Variants in FGF14 observed in about 807,000 individuals in gnomAD.
FGF14 encodes fibroblast growth factor 14, also known as fibroblast growth factor homologous factor 4.
Under a neutral mutation model 25.5 loss-of-function variants are expected in FGF14, and 5 were observed. The observed-to-expected ratio is 0.20, with a 90% confidence interval of 0.10 to 0.41. FGF14 has a LOEUF of 0.41. Among genes scored for constraint, FGF14 ranks in the 10% least tolerant of loss-of-function variants. The pLI, the probability that FGF14 is intolerant of heterozygous loss-of-function variation, is 1.00. For missense variants in FGF14, 222 were observed against 320.1 expected (o/e 0.69, Z 2.34); for synonymous variants, 138 against 118.3 (o/e 1.17, Z -1.08).
At chr13:101,811,863 G>A (rs948608774) in intron 3 of FGF14, among the ~76,000 whole-genome samples, 6 of 152,158 alleles carry the variant, frequency 3.9e-5, no homozygotes, top group Non-Finnish European at 4.4e-5. Context: ...ATCTCTAACA[G>A]GAAAGGACTA....
chr13:101,916,459 G>T lies in FGF14; in HGVS notation c.187C>A (p.Arg63Ser), dbSNP rs768229163. Residue 63 changes from arginine to serine, a missense_variant, in exon 1 of 5, where the codon CGC becomes AGC. By Grantham distance (110) the Arg-to-Ser change is moderately radical. Around this residue, in one of 5 missense-constraint regions of FGF14, gnomAD observed 80 missense variants for 72.2 expected, o/e 1.11. Transcript: ENST00000376143. ...IFGLKKRRLRRQDPQLKGIVT... is the reference protein window; with the variant it reads ...IFGLKKRRLRSQDPQLKGIVT... ...GACCATGACCCCCACAGACCTTGGCGCCGCAACCTGCGCTTCTTGAGGCCG... is the reference window on the plus strand; with the variant it reads ...GACCATGACCCCCACAGACCTTGGCTCCGCAACCTGCGCTTCTTGAGGCCG... 19 of 1,613,824 alleles carry T rather than the reference G, an allele frequency of 1.2e-5. No individual in the cohort carries two copies. The Admixed American group carries it at 2.8e-4, about 24-fold the overall frequency.
intron 1 of FGF14, among the ~76,000 whole-genome samples, chr13:102,182,444 G>T (rs1594311307): frequency 6.6e-6 from 1 of 152,082 alleles, no homozygotes; most frequent in African/African-American, 2.4e-5. Context: ...TTGTGTGTAA[G>T]CTACCAAGTT....
intron 3 of FGF14, among the ~76,000 whole-genome samples, chr13:101,754,885 C>T (rs527514279): frequency 9.9e-5 from 15 of 152,032 alleles, no homozygotes; most frequent in East Asian, 1.9e-4. Flanking sequence ...AATCAGTTCT[C>T]GGTTCTCATT....
intron 1 of FGF14, among the ~76,000 whole-genome samples, chr13:102,063,000 T>C (rs1157931347): frequency 6.6e-6 from 1 of 152,200 alleles, no homozygotes; most frequent in Non-Finnish European, 1.5e-5. Flanking sequence ...TTTGGGAAAT[T>C]TGCTTTTAAA....
At chr13:102,251,074 A>G (rs933051142) in intron 1 of FGF14, among the ~76,000 whole-genome samples, 1 of 152,220 alleles carries the variant, frequency 6.6e-6, no homozygotes, top group African/African-American at 2.4e-5. Context: ...GATTTTTATT[A>G]CACGAAGTTT....
intron 3 of FGF14, among the ~76,000 whole-genome samples, chr13:101,835,400 C>T (rs1367644826): frequency 1.3e-5 from 2 of 152,000 alleles, no homozygotes; most frequent in African/African-American, 4.8e-5. Context: ...ATCAAGTTAT[C>T]TTATTGTTGT....
At chr13:102,198,757 T>C (rs916269550) in intron 1 of FGF14, among the ~76,000 whole-genome samples, 8 of 152,186 alleles carry the variant, frequency 5.3e-5, no homozygotes, top group African/African-American at 1.9e-4. Flanking sequence ...GTCAAATGCT[T>C]TAAAGATTCA....
intron 1 of FGF14, among the ~76,000 whole-genome samples, chr13:102,302,919 GATCCTGCC>G (rs1299759694): frequency 6.6e-6 from 1 of 152,108 alleles, no homozygotes; most frequent in East Asian, 1.9e-4. Context: ...ACATAAGTCA[GATCCTGCC>G]ACTCCTTCAC....
chr13:102,129,962 C>T (rs1203958266), intron 1 of FGF14, among the ~76,000 whole-genome samples: 2 of 152,124 alleles, frequency 1.3e-5, no homozygotes, highest in South Asian at 2.1e-4. Context: ...TTTCCTGTTG[C>T]TCCTGTAACA....
intron 1 of FGF14, among the ~76,000 whole-genome samples, chr13:102,352,240 T>TAC (rs1473923332): frequency 2.5e-5 from 3 of 120,558 alleles, no homozygotes; most frequent in African/African-American, 6.7e-5. Flanking sequence ...TCTGTACCTT[T>TAC]ATACACACAC....
intron 1 of FGF14, among the ~76,000 whole-genome samples, chr13:102,260,844 C>A (rs2052684025): frequency 6.6e-6 from 1 of 152,182 alleles, no homozygotes; most frequent in African/African-American, 2.4e-5. Flanking sequence ...CTTGCCCTAT[C>A]CCCTTCTCTG....
At chr13:101,876,637 TCAC>T (rs2045410328) in intron 1 of FGF14, among the ~76,000 whole-genome samples, 1 of 152,182 alleles carries the variant, frequency 6.6e-6, no homozygotes, top group Admixed American at 6.6e-5. Flanking sequence ...CAGCAGATCA[TCAC>T]AACATCAGTG....
At chr13:101,893,471 C>T (rs1220480652) in intron 1 of FGF14, among the ~76,000 whole-genome samples, 1 of 152,140 alleles carries the variant, frequency 6.6e-6, no homozygotes, top group African/African-American at 2.4e-5. Context: ...GACTGTGTTA[C>T]ATGACATGGC....
At chr13:101,848,355 C>T (rs1438459396) in intron 3 of FGF14, among the ~76,000 whole-genome samples, 1 of 151,856 alleles carries the variant, frequency 6.6e-6, no homozygotes, top group Non-Finnish European at 1.5e-5. Flanking sequence ...TACAACATAA[C>T]TCTATAGACT....
chr13:102,363,716 C>T (rs1036903328), intron 1 of FGF14, among the ~76,000 whole-genome samples: 3 of 152,214 alleles, frequency 2.0e-5, no homozygotes, highest in African/African-American at 7.2e-5. Context: ...CATCATCTGC[C>T]TGTGACCGCT....
intron 1 of FGF14, among the ~76,000 whole-genome samples, chr13:101,876,376 G>A (rs1371172019): frequency 6.6e-6 from 1 of 152,210 alleles, no homozygotes; most frequent in Non-Finnish European, 1.5e-5. Flanking sequence ...GGACGTTACT[G>A]AGTAATGAAA....
chr13:102,315,408 C>A (rs2055973421), intron 1 of FGF14, among the ~76,000 whole-genome samples: 1 of 152,140 alleles, frequency 6.6e-6, no homozygotes, highest in African/African-American at 2.4e-5. Context: ...CTTCTCTCAA[C>A]CCTCCCCTGT....
At chr13:101,934,936 C>T (rs995381452) in intron 1 of FGF14, among the ~76,000 whole-genome samples, 2 of 152,054 alleles carry the variant, frequency 1.3e-5, no homozygotes, top group Non-Finnish European at 2.9e-5. Context: ...CAGATTTTCA[C>T]GTGTATAATA....
At chr13:101,971,625 G>A (rs899830906) in intron 1 of FGF14, among the ~76,000 whole-genome samples, 15 of 152,122 alleles carry the variant, frequency 9.9e-5, no homozygotes, top group African/African-American at 3.6e-4. Flanking sequence ...ACCCTTTTCA[G>A]CCTCCCAATA....
Sources: gnomAD v4.1 joint callset for allele counts (sites outside exome capture counted in the v4.1 genomes callset) on GRCh38, gnomAD v4.1.1 for gene constraint, gnomAD v4.1.1 regional missense constraint, MANE v1.5 for transcripts, NCBI Gene and HGNC (gene_info 2026-07-23, HGNC 2026-07-21) for gene names.